Variants in DIABLO observed in about 807,000 individuals in gnomAD.
The protein encoded by DIABLO is diablo IAP-binding mitochondrial protein, also known as diablo homolog, mitochondrial.
Under a neutral mutation model 31.7 loss-of-function variants are expected in DIABLO, and 32 were observed. That is an observed-to-expected ratio of 1.01 (90% CI 0.76 to 1.35). The LOEUF is 1.35. Among genes scored for constraint, DIABLO ranks in the 40% most tolerant of loss-of-function variants. DIABLO has a pLI of 0.00. For synonymous variants in DIABLO, 132 were observed against 103.2 expected (o/e 1.28, Z -1.69); for missense variants, 316 against 286.4 (o/e 1.10, Z -0.75).
At chr12:122,214,767 G>A (rs557108115) in intron 5 of DIABLO, among the ~76,000 whole-genome samples, 1 of 152,102 alleles carries the variant, frequency 6.6e-6, no homozygotes, top group African/African-American at 2.4e-5. Context: ...AAGGCTTGAG[G>A]TGCAGTGGAG....
chr12:122,216,178 T>C (rs952966173), intron 5 of DIABLO, among the ~76,000 whole-genome samples: 10 of 152,204 alleles, frequency 6.6e-5, no homozygotes, highest in Admixed American at 3.9e-4. Context: ...TGTTAATAAA[T>C]TGTATTACCA....
At chr12:122,208,763 A>C in intron 5 of DIABLO, 186 bp from the exon 6 acceptor site, 1 of 704,934 alleles carries the variant, frequency 1.4e-6, no homozygotes. Flanking sequence ...TTTAACTGAC[A>C]CTCTGTCAAA....
chr12:122,224,457 T>G (rs1185488139), intron 2 of DIABLO, 55 bp downstream of exon 2: 4 of 1,613,066 alleles, frequency 2.5e-6, no homozygotes, highest in Admixed American at 3.3e-5. Context: ...ACCGCCCACT[T>G]GAGACTTCAA....
chr12:122,212,009 TTTTTA>T (rs1309197136), intron 5 of DIABLO, among the ~76,000 whole-genome samples: 2 of 151,804 alleles, frequency 1.3e-5, no homozygotes, highest in African/African-American at 4.8e-5. Context: ...TTTTTTTTTT[TTTTTA>T]AATTACAGAT....
At chr12:122,218,543 G>A in intron 2 of DIABLO, 146 bp from the exon 3 acceptor site, 1 of 1,066,266 alleles carries the variant, frequency 9.4e-7, no homozygotes. Context: ...TATTTTTTAA[G>A]GCCTTATTTT....
chr12:122,212,256 C>T (rs908870039), intron 5 of DIABLO, among the ~76,000 whole-genome samples: 4 of 152,154 alleles, frequency 2.6e-5, no homozygotes, highest in Non-Finnish European at 4.4e-5. Context: ...TGTCTAATGT[C>T]AATGTGCTTA....
At chr12:122,214,971 C>T (rs1274322558) in intron 5 of DIABLO, among the ~76,000 whole-genome samples, 1 of 152,158 alleles carries the variant, frequency 6.6e-6, no homozygotes, top group Non-Finnish European at 1.5e-5. Flanking sequence ...CCCCAAAGTG[C>T]TGGGATTATA....
chr12:122,216,419 T>A, intron 5 of DIABLO, 69 bp downstream of exon 5: 2 of 1,369,786 alleles, frequency 1.5e-6, no homozygotes. Context: ...GAAAACCAGA[T>A]GAAAACTCAA....
chr12:122,215,161 G>A (rs879298429), intron 5 of DIABLO, among the ~76,000 whole-genome samples: 5 of 152,114 alleles, frequency 3.3e-5, no homozygotes, highest in Non-Finnish European at 7.4e-5. Flanking sequence ...GCGTGGTGGT[G>A]CATGCTTGTA....
rs746932066 is a variant in DIABLO, at chr12:122,216,882, A to C, written c.316-13T>G. 5 of 1,600,434 alleles carry C rather than the reference A, an allele frequency of 3.1e-6. No homozygotes were observed. The South Asian group carries it at 5.5e-5, about 18-fold the overall frequency. ...AGGTATAAACAGCCTACAAATAGAGAATGAACAAGTCTGAGTAAAGTAAGT... is the reference window on the plus strand; with the variant it reads ...AGGTATAAACAGCCTACAAATAGAGCATGAACAAGTCTGAGTAAAGTAAGT... On this transcript the variant is annotated splice_polypyrimidine_tract_variant and intron_variant, in intron 3 of 5. Coordinates refer to ENST00000464942, the MANE Select transcript of DIABLO (RefSeq NM_001371333.1).
At chr12:122,227,396 G>A (rs778867976), upstream of DIABLO, 27 of 454,030 alleles carry the variant, frequency 5.9e-5, no homozygotes, top group Non-Finnish European at 1.1e-4. Context: ...GAAGCTCCGC[G>A]GTTCTGTCTG....
At chr12:122,221,848 G>A (rs1369995450) in intron 2 of DIABLO, 1 of 152,128 alleles carries the variant, frequency 6.6e-6, no homozygotes, top group African/African-American at 2.4e-5. Flanking sequence ...TCTTTTGAAT[G>A]AAAAAAACAA....
rs758998555 is a variant in DIABLO at position 122,216,522 on chromosome 12, A to C, written c.489T>G (p.Leu163=). Residue 163 remains leucine (L), a synonymous_variant, in exon 5 of 6, where the codon CTT becomes CTG. Coordinates refer to ENST00000464942, the MANE Select transcript of DIABLO (RefSeq NM_001371333.1). ...ATGCAGCTTCTGCTGCCATCTCTGA[A>C]AGACCAACTGCAGTCATCCAAGTGG... ...LETTWMTAVG[L]SEMAAEAAYQ... The C allele has an allele frequency of 1.9e-6, 3 of 1,614,064 alleles. No individual in the cohort carries two copies. Among genetic ancestry groups the C allele is most frequent in the Non-Finnish European group, 2.5e-6 (3 of 1,180,034 alleles).
rs183612216 is a variant in DIABLO at position 122,210,309 on chromosome 12, G to A, written c.524-1732C>T. Among the ~76,000 whole-genome samples, 716 of 151,128 alleles carry A rather than the reference G, an allele frequency of 4.7e-3. 9 individuals are homozygous for A. Among genetic ancestry groups the A allele is most frequent in the African/African-American group, 0.016 (674 of 41,150 alleles). On this transcript the variant is annotated intron_variant, in intron 5 of 5. Transcript: ENST00000464942. ...GGAAGATTTGATAAAACTCTCCCAC[G>A]AAACATCCTAGGCCCTGGTGTCCAT...
At chr12:122,215,654 G>C (rs923045430) in intron 5 of DIABLO, among the ~76,000 whole-genome samples, 2 of 151,964 alleles carry the variant, frequency 1.3e-5, no homozygotes, top group Admixed American at 6.6e-5. Flanking sequence ...GGACCACTCA[G>C]GTAGGATGTT....
intron 2 of DIABLO, 79 bp downstream of exon 2, chr12:122,224,433 T>C (rs1349589865): frequency 1.2e-6 from 2 of 1,610,310 alleles, no homozygotes; most frequent in Non-Finnish European, 1.7e-6. Flanking sequence ...CTATGGTAGC[T>C]TGTCTAATGC....
Position 122,208,300 on chromosome 12 carries a change from A to G in DIABLO, c.*81T>C, listed in dbSNP as rs756727125. 25 of 1,530,566 alleles carry G rather than the reference A, an allele frequency of 1.6e-5. No homozygotes were observed. In the African/African-American group the frequency reaches 1.9e-4, roughly 12 times the overall value. The allele number at this position is 1,530,566 out of a possible 1,614,324, so 94.8% of individuals were successfully genotyped here. On this transcript the variant is annotated 3_prime_UTR_variant, in exon 6 of 6. Transcript: ENST00000464942. ...TGCCGCCTCTTCTCGGTGCACAGAC[A>G]GTCATGCCAACCCTGGGCAGGGTGG...
intron 1 of DIABLO, chr12:122,224,948 T>C (rs1021249556): frequency 1.0e-4 from 77 of 772,636 alleles, no homozygotes; most frequent in Non-Finnish European, 1.0e-4. Flanking sequence ...TGACCCCGTG[T>C]CTATTAAAAA....
At chr12:122,215,280 CAA>C (rs112216922) in intron 5 of DIABLO, among the ~76,000 whole-genome samples, 10 of 141,384 alleles carry the variant, frequency 7.1e-5, no homozygotes, top group African/African-American at 2.1e-4. Context: ...AACTCTGTCT[CAA>C]AAAAAAAAAA....
Sources: gnomAD v4.1 joint callset for allele counts (sites outside exome capture counted in the v4.1 genomes callset) on GRCh38, gnomAD v4.1.1 for gene constraint, MANE v1.5 for transcripts, NCBI Gene and HGNC (gene_info 2026-07-23, HGNC 2026-07-21) for gene names.